The following PRRC1 variants were observed in gnomAD, a reference collection of about 807,000 sequenced individuals.
PRRC1 encodes the protein protein PRRC1.
A neutral mutation model predicts 40.7 loss-of-function variants in PRRC1; 39 were observed. That is an observed-to-expected ratio of 0.96 (90% CI 0.74 to 1.25). The LOEUF (loss-of-function observed/expected upper bound fraction) is 1.25, where lower values mean the gene tolerates loss of function less well. PRRC1 is among the 50% of genes most tolerant of loss of function. The probability of loss-of-function intolerance (pLI) is 0.00; values close to 1 mark genes in which losing one functional copy is unlikely to be tolerated. For missense variants in PRRC1, 573 were observed against 548.3 expected (o/e 1.05, Z -0.45); for synonymous variants, 175 against 193.3 (o/e 0.91, Z 0.79).
At chr5:127,538,932 A>G (rs1767965879) in intron 6 of PRRC1, 108 bp from the exon 7 acceptor site, 1 of 705,446 alleles carries the variant, frequency 1.4e-6, no homozygotes, top group Non-Finnish European at 2.4e-6. Flanking sequence ...CAGTGAGTAT[A>G]TATATGTGTT....
At chr5:127,540,243 C>T (rs1040495215) in intron 7 of PRRC1, among the ~76,000 whole-genome samples, 1 of 151,944 alleles carries the variant, frequency 6.6e-6, no homozygotes, top group East Asian at 1.9e-4. Context: ...TTTTTATTAA[C>T]CTGTTACTGT....
chr5:127,545,439 A>G (rs1256441887), intron 7 of PRRC1, among the ~76,000 whole-genome samples: 3 of 152,156 alleles, frequency 2.0e-5, no homozygotes, highest in Admixed American at 2.0e-4. Context: ...CATATACACC[A>G]TGGAATACTA....
chr5:127,531,333 A>C (rs7704218), intron 5 of PRRC1, among the ~76,000 whole-genome samples: 2,365 of 152,214 alleles, frequency 0.016, 54 homozygotes, highest in African/African-American at 0.054. Flanking sequence ...ATTTTTTTAC[A>C]CTTAGCCACT....
intron 5 of PRRC1, among the ~76,000 whole-genome samples, chr5:127,531,014 TG>T (rs1197030084): frequency 6.6e-6 from 1 of 152,230 alleles, no homozygotes; most frequent in Non-Finnish European, 1.5e-5. Context: ...TTAGTAATTC[TG>T]TAAAAGATAA....
Position 127,553,915 on chromosome 5 carries a change from G to C in PRRC1, c.*1999G>C. ...CCTGCTCGGAACCGTGTGAGTGGGT[G>C]AGGAAGATGAGAGATGGTCAGATGG... On this transcript the variant is annotated 3_prime_UTR_variant, in exon 9 of 9. Coordinates refer to ENST00000296666, the MANE Select transcript of PRRC1 (RefSeq NM_130809.5). 6.5e-7 allele frequency: 1 copy of C among 1,535,018 alleles called. No individual in the cohort carries two copies. The highest frequency in any genetic ancestry group is 1.2e-5 in the South Asian group (1 of 84,004).
At chr5:127,526,017 T>C (rs1371493646) in intron 3 of PRRC1, among the ~76,000 whole-genome samples, 1 of 152,198 alleles carries the variant, frequency 6.6e-6, no homozygotes. Context: ...GTCAGTTAAA[T>C]CTACTTGTTT....
At chr5:127,519,180 C>G (rs1767393316) in intron 1 of PRRC1, among the ~76,000 whole-genome samples, 1 of 151,990 alleles carries the variant, frequency 6.6e-6, no homozygotes, top group African/African-American at 2.4e-5. Flanking sequence ...GGGTGAATGA[C>G]CAATAAAAAA....
chr5:127,547,923 T>C lies in PRRC1; in HGVS notation c.1128+2T>C, dbSNP rs143157704. The C allele has an allele frequency of 4.0e-5, 64 of 1,604,802 alleles. No homozygotes were observed. In the African/African-American group the frequency reaches 7.8e-4, roughly 19 times the overall value. On this transcript the variant is annotated splice_donor_variant, in intron 8 of 8. Coordinates refer to ENST00000296666, the MANE Select transcript of PRRC1 (RefSeq NM_130809.5). LOFTEE classifies it high-confidence loss of function. Reference sequence around the variant, plus strand: ...GTGCCTTTGGAATTTGTACAGCAGGTTGGTTTTCTCCTTTGCTTTTTCATT... The same window carrying C: ...GTGCCTTTGGAATTTGTACAGCAGGCTGGTTTTCTCCTTTGCTTTTTCATT...
rs17164810 is a variant in PRRC1, at chr5:127,554,216, G to A, written c.*2300G>A. ...CAGGCCACAGTTTCCTTCACTAATCGTCCAGCTTGAGTGTTCTGTTCTCTT... is the reference window on the plus strand; with the variant it reads ...CAGGCCACAGTTTCCTTCACTAATCATCCAGCTTGAGTGTTCTGTTCTCTT... On this transcript the variant is annotated 3_prime_UTR_variant, in exon 9 of 9. Transcript: ENST00000296666. The A allele has an allele frequency of 8.9e-3, 1,755 of 197,048 alleles. 30 individuals carry two copies. Among genetic ancestry groups the A allele is most frequent in the African/African-American group, 0.039 (1,641 of 42,540 alleles). The allele number at this position is 197,048 out of a possible 1,614,324, so 12.2% of individuals were successfully genotyped here.
chr5:127,535,452 AAAG>A (rs1252243157), intron 6 of PRRC1, among the ~76,000 whole-genome samples: 7 of 152,188 alleles, frequency 4.6e-5, no homozygotes, highest in African/African-American at 9.7e-5. Context: ...GTGTCAGCTG[AAAG>A]AAGAAGTCAG....
intron 6 of PRRC1, among the ~76,000 whole-genome samples, chr5:127,534,744 T>C (rs1316183097): frequency 2.0e-5 from 3 of 152,318 alleles, no homozygotes; most frequent in Admixed American, 2.0e-4. Context: ...CAAATTTATA[T>C]CTCCACCTGA....
chr5:127,549,233 G>C (rs1420583546), intron 8 of PRRC1: 1 of 152,070 alleles, frequency 6.6e-6, no homozygotes, highest in Admixed American at 6.5e-5. Flanking sequence ...TTTGCTGTAT[G>C]AGGTATCAAA....
chr5:127,546,557 G>T (rs1454703306), intron 7 of PRRC1, among the ~76,000 whole-genome samples: 1 of 152,124 alleles, frequency 6.6e-6, no homozygotes, highest in Non-Finnish European at 1.5e-5. Context: ...CAATTGTAGG[G>T]GTGTGAGGAA....
rs2127122786 is a variant in PRRC1, at chr5:127,552,953, T to G, written c.*1037T>G. 1 of 867,908 alleles carries G rather than the reference T, an allele frequency of 1.2e-6. No homozygotes were observed. The highest frequency in any genetic ancestry group is 1.8e-5 in the African/African-American group (1 of 54,838). 53.8% of individuals were successfully genotyped at this position (867,908 alleles called of 1,614,324 possible). A position where few individuals can be genotyped will look rare whatever the true frequency, so the allele number is the denominator to read the frequency against. ...TATATTCAATCTAGTTTATTTAGTC[T>G]ACTGTATTTCTATTTCGTGGAAGCC... On this transcript the variant is annotated 3_prime_UTR_variant, in exon 9 of 9. Coordinates refer to ENST00000296666, the MANE Select transcript of PRRC1 (RefSeq NM_130809.5).
intron 7 of PRRC1, among the ~76,000 whole-genome samples, chr5:127,543,836 G>T (rs931070056): frequency 2.2e-4 from 33 of 152,156 alleles, no homozygotes; most frequent in African/African-American, 8.0e-4. Context: ...CTGTAGCTCG[G>T]AGTAGTTTGA....
chr5:127,527,157 G>A (rs1019682309), intron 4 of PRRC1, among the ~76,000 whole-genome samples: 1 of 151,622 alleles, frequency 6.6e-6, no homozygotes, highest in African/African-American at 2.4e-5. Flanking sequence ...TCTGCCTATT[G>A]GCATTTTCTA....
chr5:127,531,315 C>T (rs1271913274), intron 5 of PRRC1, among the ~76,000 whole-genome samples: 1 of 152,172 alleles, frequency 6.6e-6, no homozygotes, highest in Non-Finnish European at 1.5e-5. Flanking sequence ...GTATTGAACT[C>T]ATGCTCAATT....
rs1428632495 is a variant in PRRC1 at position 127,547,933 on chromosome 5, C to T, written c.1128+12C>T. 1 of 1,565,292 alleles carries T rather than the reference C, an allele frequency of 6.4e-7. No individual in the cohort carries two copies. The highest frequency in any genetic ancestry group is 1.7e-5 in the Admixed American group (1 of 59,922). Reference sequence around the variant, plus strand: ...AATTTGTACAGCAGGTTGGTTTTCTCCTTTGCTTTTTCATTATGCTCCAGA... The same window carrying T: ...AATTTGTACAGCAGGTTGGTTTTCTTCTTTGCTTTTTCATTATGCTCCAGA... On this transcript the variant is annotated intron_variant, in intron 8 of 8. Coordinates refer to ENST00000296666, the MANE Select transcript of PRRC1 (RefSeq NM_130809.5).
intron 1 of PRRC1, among the ~76,000 whole-genome samples, chr5:127,522,598 C>T (rs1303818143): frequency 6.6e-6 from 1 of 151,834 alleles, no homozygotes; most frequent in Non-Finnish European, 1.5e-5. Context: ...TCCTATGGTG[C>T]CCAGGCTGGT....
Sources: gnomAD v4.1 joint callset for allele counts (sites outside exome capture counted in the v4.1 genomes callset) on GRCh38, gnomAD v4.1.1 for gene constraint, MANE v1.5 for transcripts, NCBI Gene and HGNC (gene_info 2026-07-23, HGNC 2026-07-21) for gene names.